Variants in CCDC60 observed in about 807,000 individuals in gnomAD.
The protein encoded by CCDC60 is coiled-coil domain-containing protein 60.
CCDC60 carries 54 observed loss-of-function variants against 63.5 expected under a neutral mutation model. That is an observed-to-expected ratio of 0.85 (90% CI 0.68 to 1.07). The LOEUF is 1.07. CCDC60 is among the 50% of genes least tolerant of loss of function. The pLI is 0.00. For missense variants in CCDC60, 651 were observed against 684.3 expected (o/e 0.95, Z 0.54); for synonymous variants, 206 against 238.8 (o/e 0.86, Z 1.27).
chr12:119,383,328 C>G (rs1160611968), intron 1 of CCDC60, among the ~76,000 whole-genome samples: 1 of 152,178 alleles, frequency 6.6e-6, no homozygotes, highest in African/African-American at 2.4e-5. Flanking sequence ...AGTCTTCTCG[C>G]CCCACCCATA....
intron 1 of CCDC60, among the ~76,000 whole-genome samples, chr12:119,416,917 T>C (rs1956710033): frequency 6.6e-6 from 1 of 152,074 alleles, no homozygotes; most frequent in Admixed American, 6.5e-5. Context: ...GGCCAGGAGT[T>C]TGAGACCAGC....
At chr12:119,342,379 G>A (rs1955541719) in intron 1 of CCDC60, among the ~76,000 whole-genome samples, 1 of 152,228 alleles carries the variant, frequency 6.6e-6, no homozygotes, top group Non-Finnish European at 1.5e-5. Flanking sequence ...GGCTGGGAAA[G>A]TATGCATCTA....
intron 2 of CCDC60, among the ~76,000 whole-genome samples, chr12:119,446,613 G>A (rs1005757687): frequency 8.5e-5 from 13 of 152,094 alleles, no homozygotes; most frequent in African/African-American, 2.9e-4. Context: ...AGAGGGAGAG[G>A]GAGGACGGGA....
rs535369256 is a variant in CCDC60 at position 119,499,772 on chromosome 12, G to A, written c.558-306G>A. 2.6e-5 allele frequency among the ~76,000 whole-genome samples: 4 copies of A among 152,206 alleles called. No homozygotes were observed. In the South Asian group the frequency reaches 6.2e-4, roughly 24 times the overall value. ...TTCAATTCACCCCTCAGGAGTAATC[G>A]CAGACCTGCCCAGGATTCTAGGAGA... On this transcript the variant is annotated intron_variant, in intron 5 of 13. Coordinates refer to ENST00000327554, the MANE Select transcript of CCDC60 (RefSeq NM_178499.5).
At chr12:119,524,514 G>A in intron 11 of CCDC60, 1 of 897,698 alleles carries the variant, frequency 1.1e-6, no homozygotes, top group African/African-American at 1.8e-5. Flanking sequence ...CTGGGGCTAG[G>A]GTTGGAGAAG....
rs541650762 is a variant in CCDC60 at position 119,380,885 on chromosome 12, G to C, written c.90+45619G>C. 1.3e-4 allele frequency among the ~76,000 whole-genome samples: 20 copies of C among 152,216 alleles called. No individual in the cohort carries two copies. The South Asian group carries it at 2.3e-3, about 17-fold the overall frequency. ...CTTTCTATTTGTGACATGCAGGAAT[G>C]GCTTTCTTCTTACAGTGATAGTAGT... On this transcript the variant is annotated intron_variant, in intron 1 of 13. Transcript: ENST00000327554.
chr12:119,505,411 A>T, intron 7 of CCDC60, 108 bp downstream of exon 7: 1 of 700,202 alleles, frequency 1.4e-6, no homozygotes, highest in Non-Finnish European at 2.4e-6. Context: ...TAAAGGTGAC[A>T]TGGGATCCCG....
intron 8 of CCDC60, among the ~76,000 whole-genome samples, chr12:119,519,247 C>A (rs894360284): frequency 6.6e-6 from 1 of 152,050 alleles, no homozygotes; most frequent in African/African-American, 2.4e-5. Flanking sequence ...GGCCGGGCTG[C>A]CCCCTAGCCA....
rs760703876 is a variant in CCDC60 at position 119,505,156 on chromosome 12, G to C, written c.736G>C (p.Gly246Arg). The change falls in exon 7 of 14, where the codon GGG becomes CGG. Residue 246 changes from glycine (G) to arginine (R), a missense_variant. Coordinates refer to ENST00000327554, the MANE Select transcript of CCDC60 (RefSeq NM_178499.5). ...CACACTCAGTCTGAGTCGGGCCAGT[G>C]GGGGGTCCTCTCCCCAGAGCAGCAT... ...GSTLSLSRAS[G>R]GSSPQSSMIS... 2.7e-5 allele frequency: 43 copies of C among 1,613,672 alleles called. No individual in the cohort carries two copies. Among genetic ancestry groups the C allele is most frequent in the East Asian group, 8.9e-5 (4 of 44,882 alleles).
At chr12:119,505,032 T>C (rs528189438) in intron 6 of CCDC60, 37 bp from the exon 7 acceptor site, 1 of 1,466,774 alleles carries the variant, frequency 6.8e-7, no homozygotes, top group Non-Finnish European at 9.3e-7. Context: ...TTTTTCCCCC[T>C]CCTTCCTGAA....
chr12:119,455,964 GGGGAGGGA>G (rs1304884270), intron 2 of CCDC60, among the ~76,000 whole-genome samples: 6 of 131,616 alleles, frequency 4.6e-5, no homozygotes, highest in Non-Finnish European at 8.0e-5. Flanking sequence ...GAAGGAGGGA[GGGGAGGGA>G]GGGAGGGAGA....
At chr12:119,419,839 G>A (rs1336144069) in intron 1 of CCDC60, among the ~76,000 whole-genome samples, 1 of 146,084 alleles carries the variant, frequency 6.8e-6, no homozygotes, top group Non-Finnish European at 1.5e-5. Flanking sequence ...GATGCAACCT[G>A]TCTTCAACAA....
chr12:119,355,567 C>T (rs1429407197), intron 1 of CCDC60, among the ~76,000 whole-genome samples: 3 of 152,188 alleles, frequency 2.0e-5, no homozygotes, highest in Non-Finnish European at 2.9e-5. Flanking sequence ...GGGCTTAGCC[C>T]GGGAGGGTTC....
intron 4 of CCDC60, among the ~76,000 whole-genome samples, chr12:119,488,338 T>C (rs1467342484): frequency 1.3e-5 from 2 of 152,178 alleles, no homozygotes; most frequent in Non-Finnish European, 2.9e-5. Context: ...TTTATCAGAT[T>C]AACAATTGGA....
At chr12:119,382,333 G>A (rs1236942629) in intron 1 of CCDC60, among the ~76,000 whole-genome samples, 1 of 152,210 alleles carries the variant, frequency 6.6e-6, no homozygotes, top group Non-Finnish European at 1.5e-5. Flanking sequence ...GCTCGGCTGT[G>A]TGACAGCCAG....
intron 7 of CCDC60, among the ~76,000 whole-genome samples, chr12:119,513,626 G>A (rs796278780): frequency 1.3e-5 from 2 of 152,222 alleles, no homozygotes; most frequent in African/African-American, 2.4e-5. Context: ...CTACAATCAC[G>A]TGTCACATAA....
intron 1 of CCDC60, among the ~76,000 whole-genome samples, chr12:119,368,248 G>A (rs1459934062): frequency 6.6e-6 from 1 of 151,582 alleles, no homozygotes. Flanking sequence ...GGGAGGAGAA[G>A]ATAGAAAAGA....
At chr12:119,523,563 G>A in intron 10 of CCDC60, 130 bp from the exon 11 acceptor site, 1 of 1,284,434 alleles carries the variant, frequency 7.8e-7, no homozygotes, top group Non-Finnish European at 1.1e-6. Flanking sequence ...TGAGGGCAGA[G>A]AACCCAGGTG....
Position 119,522,957 on chromosome 12 carries a change from A to G in CCDC60, c.1059A>G (p.Thr353=), listed in dbSNP as rs1471556964. 1 of 1,614,192 alleles carries G rather than the reference A, an allele frequency of 6.2e-7. No individual in the cohort carries two copies. The highest frequency in any genetic ancestry group is 1.7e-5 in the Admixed American group (1 of 60,028). The change falls in exon 10 of 14, where the codon ACA becomes ACG. Residue 353 remains threonine (T), a synonymous_variant. Transcript: ENST00000327554. The part of the protein sequence containing the change: ...TLKSSERSSS[T]SAESHIQPVQ... The stretch of plus-strand genomic sequence containing the variant: ...GTTTCAGTGAGAGATCCAGCAGTAC[A>G]AGTGCAGAAAGCCACATCCAACCAG...
Sources: gnomAD v4.1 joint callset for allele counts (sites outside exome capture counted in the v4.1 genomes callset) on GRCh38, gnomAD v4.1.1 for gene constraint, MANE v1.5 for transcripts, NCBI Gene and HGNC (gene_info 2026-07-23, HGNC 2026-07-21) for gene names.